Variants in CDKL5 observed in about 807,000 individuals in gnomAD.
CDKL5 encodes cyclin dependent kinase like 5, also known as cyclin-dependent kinase-like 5.
Under a neutral mutation model 61.7 loss-of-function variants are expected in CDKL5, and 8 were observed. The observed-to-expected ratio is 0.13, with a 90% CI of 0.08 to 0.23. CDKL5 has a LOEUF of 0.23. CDKL5 is among the 10% of genes least tolerant of loss of function. The pLI is 1.00. For missense variants in CDKL5, 440 were observed against 734.5 expected, an observed-to-expected ratio of 0.60 and a Z score of 4.63; for synonymous variants, 275 against 272.3, an observed-to-expected ratio of 1.01 and a Z score of -0.10.
intron 11 of CDKL5, 52 bp from the exon 12 acceptor site, chrX:18,603,850 T>C (rs1926251526): frequency 1.7e-6 from 2 of 1,182,735 alleles, no homozygotes; most frequent in Non-Finnish European, 2.3e-6. Context: ...CAATACTTTT[T>C]GTGTGTCAGC....
rs1235121846 is a variant in CDKL5, at chrX:18,648,819, G to A, written c.2798-1591G>A. 7.2e-5 allele frequency among the ~76,000 whole-genome samples: 8 copies of A among 111,217 alleles called. No individual in the cohort carries two copies. The East Asian group carries it at 1.4e-3, about 20-fold the overall frequency. On this transcript the variant is annotated intron_variant, in intron 20 of 21. Coordinates refer to the CDKL5 transcript ENST00000379989. ...GAGAGAACTGCAGAGGCTGAGTGCA[G>A]TGGCTCATGCCTGTAATCCCAGTGC...
intron 3 of CDKL5, among the ~76,000 whole-genome samples, chrX:18,523,957 C>T (rs1019072479): frequency 9.0e-6 from 1 of 111,722 alleles, no homozygotes; most frequent in African/African-American, 3.3e-5. Flanking sequence ...TTGCTGAATT[C>T]GTTTATTAGT....
At chrX:18,529,563 A>G (rs1384613729) in intron 3 of CDKL5, among the ~76,000 whole-genome samples, 1 of 111,258 alleles carries the variant, frequency 9.0e-6, no homozygotes, top group Non-Finnish European at 1.9e-5. Context: ...TACTGGTGAC[A>G]AATTCACTCA....
In CDKL5 at chrX:18,469,065, G is replaced by C. The variant is rs758519590; in HGVS notation, c.-162-37870G>C. Among the ~76,000 whole-genome samples the C allele has an allele frequency of 3.6e-5, 4 of 111,027 alleles. No individual in the cohort carries two copies. In the Admixed American group the frequency reaches 3.9e-4, roughly 11 times the overall value. The stretch of plus-strand genomic sequence containing the variant: ...AAAAAATCATTGAATAGGGCTGGGC[G>C]TGGTGGCTAACGCCTATAATTGCAG... On this transcript the variant is annotated intron_variant, in intron 1 of 17. Transcript: ENST00000623535.
chrX:18,634,624 A>C lies in CDKL5; in HGVS notation c.*5867A>C. ...GAGACACACAATGATTCTGGCCCTC[A>C]GTCTGTTTCCCTCCCCTTGTTTACT... On this transcript the variant is annotated 3_prime_UTR_variant, in exon 18 of 18. Transcript: ENST00000623535. The C allele has an allele frequency of 1.3e-6, 1 of 754,160 alleles. No homozygotes were observed. Among genetic ancestry groups the C allele is most frequent in the South Asian group, 6.7e-5 (1 of 14,823 alleles). 62.2% of individuals were successfully genotyped at this position (754,160 alleles called of 1,213,427 possible).
rs891749848 is a variant in CDKL5 at position 18,629,877 on chromosome X, G to A, written c.*1120G>A. 2 of 752,475 alleles carry A rather than the reference G, an allele frequency of 2.7e-6. No individual in the cohort carries two copies. Among genetic ancestry groups the A allele is most frequent in the Non-Finnish European group, 3.1e-6 (2 of 638,958 alleles). The allele number at this position is 752,475 out of a possible 1,213,427, so 62.0% of individuals were successfully genotyped here. The stretch of plus-strand genomic sequence containing the variant: ...GAATGTGCTCTTCCACTTAGCATTA[G>A]TGTAGAGCGTAGACCAAAGATTTGC... On this transcript the variant is annotated 3_prime_UTR_variant, in exon 18 of 18. Coordinates refer to ENST00000623535, the MANE Select transcript of CDKL5 (RefSeq NM_001323289.2).
At chrX:18,551,977 C>T (rs1602256122) in intron 3 of CDKL5, among the ~76,000 whole-genome samples, 2 of 110,014 alleles carry the variant, frequency 1.8e-5, no homozygotes, top group Middle Eastern at 4.7e-3. Flanking sequence ...GGCCAGCTTA[C>T]GACTGTAATC....
chrX:18,622,850 G>A (rs1437089604), intron 16 of CDKL5, among the ~76,000 whole-genome samples: 1 of 111,659 alleles, frequency 9.0e-6, no homozygotes, highest in Non-Finnish European at 1.9e-5. Context: ...CTCTCCTCTG[G>A]CCTCTTCAGC....
At chrX:18,513,067 C>G (rs1036481048) in intron 3 of CDKL5, among the ~76,000 whole-genome samples, 7 of 111,556 alleles carry the variant, frequency 6.3e-5, no homozygotes, top group Non-Finnish European at 1.1e-4. Flanking sequence ...ATACATATAT[C>G]TGATATATAT....
intron 11 of CDKL5, among the ~76,000 whole-genome samples, chrX:18,603,048 T>C (rs1016932620): frequency 8.9e-6 from 1 of 112,284 alleles, no homozygotes; most frequent in Non-Finnish European, 1.9e-5. Context: ...TCTGGATTTA[T>C]ATTTTGTATT....
rs189775720 is a variant in CDKL5, at chrX:18,553,374, A to G, written c.100-11103A>G. 4.1e-3 allele frequency among the ~76,000 whole-genome samples: 457 copies of G among 111,279 alleles called. 2 individuals carry two copies. Among genetic ancestry groups the G allele is most frequent in the African/African-American group, 0.014 (443 of 30,595 alleles). On this transcript the variant is annotated intron_variant, in intron 3 of 17. Coordinates refer to ENST00000623535, the MANE Select transcript of CDKL5 (RefSeq NM_001323289.2). ...ATCCAGCGCAGAGATGGTAGAAGAG[A>G]TTTTATGTCTTATTGGAAATAATGA...
intron 1 of CDKL5, chrX:18,457,544 T>C (rs996137615): frequency 8.9e-6 from 1 of 112,044 alleles, no homozygotes; most frequent in Non-Finnish European, 1.9e-5. Context: ...GGTACACTTT[T>C]CTTCCCATTT....
At chrX:18,532,141 G>GTT (rs1249314255) in intron 3 of CDKL5, among the ~76,000 whole-genome samples, 1 of 112,082 alleles carries the variant, frequency 8.9e-6, no homozygotes, top group East Asian at 2.8e-4. Context: ...TCAGCAAGAG[G>GTT]TTTTTTAACT....
exon 21 of CDKL5, chrX:18,650,509 T>C (rs1569231383): frequency 8.3e-7 from 1 of 1,211,842 alleles, no homozygotes; most frequent in Non-Finnish European, 1.1e-6. Flanking sequence ...CCCTATCCAG[T>C]ACTCCAGGTC....
At chrX:18,527,751 T>G (rs1923496081) in intron 3 of CDKL5, among the ~76,000 whole-genome samples, 1 of 111,716 alleles carries the variant, frequency 9.0e-6, no homozygotes, top group Non-Finnish European at 1.9e-5. Flanking sequence ...TCTCCGTGTT[T>G]TAGGCTTAAG....
At chrX:18,472,587 G>T (rs986371038) in intron 1 of CDKL5, among the ~76,000 whole-genome samples, 6 of 111,377 alleles carry the variant, frequency 5.4e-5, no homozygotes, top group Non-Finnish European at 9.4e-5. Flanking sequence ...TTTTTCAGGA[G>T]ATCTAAATTT....
chrX:18,560,520 A>C (rs1476061292), intron 3 of CDKL5, among the ~76,000 whole-genome samples: 1 of 111,921 alleles, frequency 8.9e-6, no homozygotes, highest in Non-Finnish European at 1.9e-5. Context: ...CGAACTGATT[A>C]ATGTTCGTTT....
chrX:18,514,126 A>G (rs779384553), intron 3 of CDKL5, among the ~76,000 whole-genome samples: 2 of 111,324 alleles, frequency 1.8e-5, no homozygotes, highest in Non-Finnish European at 3.8e-5. Flanking sequence ...GCAGTAATTG[A>G]GAGATCATGC....
intron 1 of CDKL5, among the ~76,000 whole-genome samples, chrX:18,453,881 C>T (rs1454246840): frequency 2.7e-5 from 3 of 112,057 alleles, no homozygotes; most frequent in Non-Finnish European, 5.6e-5. Flanking sequence ...ATTTATTGAG[C>T]TCGTTTTGTT....
Sources: gnomAD v4.1 joint callset for allele counts (sites outside exome capture counted in the v4.1 genomes callset) on GRCh38, gnomAD v4.1.1 for gene constraint, MANE v1.5 for transcripts, NCBI Gene and HGNC (gene_info 2026-07-23, HGNC 2026-07-21) for gene names.